NEXMIF: variants seen among roughly 807,000 people sequenced by gnomAD.
NEXMIF encodes neurite extension and migration factor, also known as XLMR protein related to neurite extension.
Under a neutral mutation model 62.1 loss-of-function variants are expected in NEXMIF, and 8 were observed. The ratio of observed to expected loss-of-function variants is 0.13; its 90% CI spans 0.08 to 0.23. The LOEUF is 0.23. NEXMIF is among the 10% of genes least tolerant of loss of function. The probability of loss-of-function intolerance (pLI) is 1.00; values close to 1 mark genes in which losing one functional copy is unlikely to be tolerated. For synonymous variants in NEXMIF, 404 were observed against 416.6 expected (o/e 0.97, Z 0.37); for missense variants, 976 against 1,113.3 (o/e 0.88, Z 1.75).
intron 1 of NEXMIF, among the ~76,000 whole-genome samples, chrX:74,892,940 GGA>G (rs111823715): frequency 1.8e-5 from 2 of 110,351 alleles, no homozygotes; most frequent in East Asian, 2.9e-4. Context: ...AGGAAAGGAT[GGA>G]GAGAGAGAGA....
rs765288099 is a variant in NEXMIF at position 74,761,997 on chromosome X, G to T, written c.-47-16300C>A. On this transcript the variant is annotated intron_variant, in intron 1 of 3. Transcript: ENST00000055682. Reference sequence around the variant, plus strand: ...CTTTTTTATTATACTTTAAGTTCTAGGGTACATGTGCACAACGTGCAGGTT... The same window carrying T: ...CTTTTTTATTATACTTTAAGTTCTATGGTACATGTGCACAACGTGCAGGTT... Among the ~76,000 whole-genome samples, 354 of 110,436 alleles carry T rather than the reference G, an allele frequency of 3.2e-3. 2 individuals carry two copies. Among genetic ancestry groups the T allele is most frequent in the African/African-American group, 0.011 (337 of 30,315 alleles).
chrX:74,756,667 A>G (rs2080160327), intron 1 of NEXMIF, among the ~76,000 whole-genome samples: 1 of 111,200 alleles, frequency 9.0e-6, no homozygotes, highest in Non-Finnish European at 1.9e-5. Context: ...TTAACTCTCT[A>G]TTCTGACCCC....
intron 1 of NEXMIF, among the ~76,000 whole-genome samples, chrX:74,863,842 C>G (rs1348422870): frequency 3.6e-5 from 4 of 112,250 alleles, no homozygotes; most frequent in African/African-American, 1.3e-4. Context: ...CTCTCATGAA[C>G]AGCAATGCAA....
At chrX:74,900,239 C>T (rs997786799) in intron 1 of NEXMIF, among the ~76,000 whole-genome samples, 4 of 109,999 alleles carry the variant, frequency 3.6e-5, no homozygotes, top group African/African-American at 6.6e-5. Flanking sequence ...GTGAGGCAGG[C>T]GGATCACGAG....
intron 1 of NEXMIF, among the ~76,000 whole-genome samples, chrX:74,845,940 A>G (rs1051645334): frequency 1.2e-4 from 14 of 112,459 alleles, no homozygotes; most frequent in African/African-American, 4.2e-4. Context: ...CCACACTAGT[A>G]GTAAAGAAGA....
rs184587652 is a variant in NEXMIF, at chrX:74,762,196, T to A, written c.-47-16499A>T. Among the ~76,000 whole-genome samples, 813 of 103,337 alleles carry A rather than the reference T, an allele frequency of 7.9e-3. 5 individuals are homozygous for A. The highest frequency in any genetic ancestry group is 0.012 in the Non-Finnish European group (589 of 50,953). 89.7% of individuals were successfully genotyped at this position (103,337 alleles called of 115,157 possible). A position where few individuals can be genotyped will look rare whatever the true frequency, so the allele number is the denominator to read the frequency against. ...GTGTTCTCATTGTTCAATTCCCACC[T>A]ATGAGTGAGAACATGCGGTGTTTGG... On this transcript the variant is annotated intron_variant, in intron 1 of 3. Transcript: ENST00000055682.
At chrX:74,914,883 A>G (rs143621151) in intron 1 of NEXMIF, among the ~76,000 whole-genome samples, 344 of 112,391 alleles carry the variant, frequency 3.1e-3, no homozygotes, top group African/African-American at 0.011. Flanking sequence ...TTAATGCCCA[A>G]AACAACTGGA....
At chrX:74,874,665 T>C (rs1405467338) in intron 1 of NEXMIF, among the ~76,000 whole-genome samples, 2 of 91,761 alleles carry the variant, frequency 2.2e-5, no homozygotes, top group Non-Finnish European at 4.2e-5. Context: ...CTCTTTTATT[T>C]CCTTGAGCAG....
chrX:74,847,329 C>G (rs2080495276), intron 1 of NEXMIF, among the ~76,000 whole-genome samples: 1 of 111,764 alleles, frequency 8.9e-6, no homozygotes, highest in Non-Finnish European at 1.9e-5. Context: ...TCCTTGATAA[C>G]AAAATAAATA....
At chrX:74,804,702 G>A (rs1318798799) in intron 1 of NEXMIF, among the ~76,000 whole-genome samples, 7 of 111,711 alleles carry the variant, frequency 6.3e-5, no homozygotes, top group Non-Finnish European at 1.3e-4. Flanking sequence ...GCCACAAGCT[G>A]CGCAGTCTGG....
At chrX:74,916,262 G>A (rs1050491680) in intron 1 of NEXMIF, among the ~76,000 whole-genome samples, 3 of 111,911 alleles carry the variant, frequency 2.7e-5, no homozygotes, top group Non-Finnish European at 3.8e-5. Flanking sequence ...CTAAACTAAT[G>A]CAAGGATAAG....
Position 74,741,164 on chromosome X carries a change from T to G in NEXMIF, c.3393A>C (p.Leu1131Phe). 1 of 1,210,922 alleles carries G rather than the reference T, an allele frequency of 8.3e-7. No homozygotes were observed. Among genetic ancestry groups the G allele is most frequent in the Non-Finnish European group, 1.1e-6 (1 of 894,980 alleles). Reference sequence around the variant, plus strand: ...TATGGAACTGAAACTGGTGATTATTTAAAGTAAATCCATCCTCCATTTGGA... The same window carrying G: ...TATGGAACTGAAACTGGTGATTATTGAAAGTAAATCCATCCTCCATTTGGA... ...RQVQMEDGFT[L>F]NNHQFQFHMF... Residue 1131 changes from leucine (L) to phenylalanine (F), a missense_variant, in exon 3 of 4, where the codon TTA (leucine) becomes TTC (phenylalanine). Transcript: ENST00000055682.
chrX:74,869,926 T>A (rs1011689511), intron 1 of NEXMIF, among the ~76,000 whole-genome samples: 1 of 110,672 alleles, frequency 9.0e-6, no homozygotes, highest in Non-Finnish European at 1.9e-5. Flanking sequence ...GCAATCCCTA[T>A]CAAAATACCA....
At chrX:74,786,866 C>A (rs1434253265) in intron 1 of NEXMIF, among the ~76,000 whole-genome samples, 1 of 108,477 alleles carries the variant, frequency 9.2e-6, no homozygotes, top group Non-Finnish European at 1.9e-5. Context: ...TGCGTGTGTG[C>A]ACACACACAC....
Position 74,756,335 on chromosome X carries a change from T to C in NEXMIF, c.-47-10638A>G, listed in dbSNP as rs1270603319. ...TGGGGAAAGTACTTTAAGATGACTTTGACCATCTGTACAATACTTTTACAA... is the reference window on the plus strand; with the variant it reads ...TGGGGAAAGTACTTTAAGATGACTTCGACCATCTGTACAATACTTTTACAA... On this transcript the variant is annotated intron_variant, in intron 1 of 3. Coordinates refer to ENST00000055682, the MANE Select transcript of NEXMIF (RefSeq NM_001008537.3). 6.2e-5 allele frequency among the ~76,000 whole-genome samples: 7 copies of C among 112,317 alleles called. No individual in the cohort carries two copies. The Admixed American group carries it at 6.6e-4, about 11-fold the overall frequency.
intron 1 of NEXMIF, among the ~76,000 whole-genome samples, chrX:74,887,688 C>T (rs2080701096): frequency 9.0e-6 from 1 of 111,241 alleles, no homozygotes; most frequent in Non-Finnish European, 1.9e-5. Flanking sequence ...AACACTTTTA[C>T]ACTGTTGGTG....
intron 1 of NEXMIF, among the ~76,000 whole-genome samples, chrX:74,893,077 A>G (rs2080723010): frequency 8.9e-6 from 1 of 112,169 alleles, no homozygotes; most frequent in Non-Finnish European, 1.9e-5. Flanking sequence ...TTCTGTCCCT[A>G]TAATTTTGTT....
chrX:74,865,450 G>T (rs1043868089), intron 1 of NEXMIF, among the ~76,000 whole-genome samples: 3 of 112,261 alleles, frequency 2.7e-5, no homozygotes, highest in Admixed American at 9.4e-5. Context: ...TCAAAAGGAA[G>T]AAGAGCATAA....
intron 1 of NEXMIF, among the ~76,000 whole-genome samples, chrX:74,864,679 T>C (rs763834942): frequency 8.9e-6 from 1 of 111,976 alleles, no homozygotes; most frequent in African/African-American, 3.2e-5. Context: ...TTAAACCTTT[T>C]TCCTTTATAA....
Sources: gnomAD v4.1 joint callset for allele counts (sites outside exome capture counted in the v4.1 genomes callset) on GRCh38, gnomAD v4.1.1 for gene constraint, MANE v1.5 for transcripts, NCBI Gene and HGNC (gene_info 2026-07-23, HGNC 2026-07-21) for gene names.